The following TAFA1 variants were observed in gnomAD, a reference collection of about 807,000 sequenced individuals.
TAFA1 encodes chemokine-like protein TAFA-1.
In TAFA1, 4 loss-of-function variants were observed where a neutral mutation model predicts 18.5. The observed-to-expected ratio is 0.22, with a 90% CI of 0.11 to 0.49. The LOEUF is 0.49. TAFA1 is among the 20% of genes least tolerant of loss of function. The pLI is 0.98. For missense variants in TAFA1, 147 were observed against 169.0 expected (o/e 0.87, Z 0.72); for synonymous variants, 56 against 55.2 (o/e 1.01, Z -0.06).
intron 2 of TAFA1, among the ~76,000 whole-genome samples, chr3:68,165,341 C>T (rs768581844): frequency 2.6e-5 from 4 of 152,224 alleles, no homozygotes; most frequent in Non-Finnish European, 5.9e-5. Context: ...TGTCCCCTCC[C>T]AATTCTGTCT....
At chr3:68,131,712 C>T (rs572194012) in intron 2 of TAFA1, among the ~76,000 whole-genome samples, 1 of 152,210 alleles carries the variant, frequency 6.6e-6, no homozygotes, top group African/African-American at 2.4e-5. Flanking sequence ...TCATGCCTTA[C>T]AATCACTGTA....
intron 2 of TAFA1, among the ~76,000 whole-genome samples, chr3:68,097,081 C>T (rs2065095064): frequency 6.6e-6 from 1 of 152,034 alleles, no homozygotes; most frequent in Non-Finnish European, 1.5e-5. Flanking sequence ...GGGATGATTC[C>T]TAAGCAAAAG....
chr3:68,107,459 A>G (rs183427955), intron 2 of TAFA1, among the ~76,000 whole-genome samples: 31 of 152,284 alleles, frequency 2.0e-4, no homozygotes, highest in Admixed American at 1.6e-3. Context: ...GCAACAAAAC[A>G]TAATGAACTA....
intron 2 of TAFA1, among the ~76,000 whole-genome samples, chr3:68,202,517 C>T (rs1056262348): frequency 6.6e-6 from 1 of 151,648 alleles, no homozygotes; most frequent in African/African-American, 2.4e-5. Context: ...CTTTAGCACG[C>T]TATACTAAAG....
intron 3 of TAFA1, among the ~76,000 whole-genome samples, chr3:68,468,760 A>G (rs905355224): frequency 1.3e-5 from 2 of 152,128 alleles, no homozygotes; most frequent in African/African-American, 4.8e-5. Flanking sequence ...GATTTTTGAG[A>G]TTTATGGGAT....
At chr3:68,388,012 G>T (rs945770730) in intron 2 of TAFA1, among the ~76,000 whole-genome samples, 6 of 152,116 alleles carry the variant, frequency 3.9e-5, no homozygotes, top group African/African-American at 1.4e-4. Context: ...CTTCATGAAT[G>T]AATGTTAAGC....
At chr3:68,201,760 G>T (rs759571275) in intron 2 of TAFA1, among the ~76,000 whole-genome samples, 1 of 151,644 alleles carries the variant, frequency 6.6e-6, no homozygotes, top group East Asian at 2.0e-4. Flanking sequence ...AAGAAAACAG[G>T]TTTATTTAGC....
intron 2 of TAFA1, among the ~76,000 whole-genome samples, chr3:68,079,431 C>G (rs571380279): frequency 6.6e-5 from 10 of 152,202 alleles, no homozygotes; most frequent in African/African-American, 2.4e-4. Flanking sequence ...ATCTTTCCTG[C>G]TTTCTCTTAT....
chr3:68,113,418 G>T (rs1255609929), intron 2 of TAFA1, among the ~76,000 whole-genome samples: 1 of 152,096 alleles, frequency 6.6e-6, no homozygotes, highest in Non-Finnish European at 1.5e-5. Context: ...TCAAATCCAG[G>T]TGAATCAAAT....
At chr3:68,100,207 A>C (rs2065132524) in intron 2 of TAFA1, among the ~76,000 whole-genome samples, 1 of 152,144 alleles carries the variant, frequency 6.6e-6, no homozygotes, top group Non-Finnish European at 1.5e-5. Context: ...TAGAAAGGTC[A>C]GGCACAGTGG....
intron 3 of TAFA1, among the ~76,000 whole-genome samples, chr3:68,463,663 G>T (rs2071827326): frequency 6.6e-6 from 1 of 152,146 alleles, no homozygotes. Context: ...TAAATAGTGA[G>T]CATGTCCACA....
chr3:68,017,160 T>C (rs1166466124), intron 2 of TAFA1, among the ~76,000 whole-genome samples: 2 of 152,184 alleles, frequency 1.3e-5, no homozygotes. Flanking sequence ...ATATAAGACA[T>C]GAGTACATGT....
chr3:68,367,396 T>A (rs1352492389), intron 2 of TAFA1, among the ~76,000 whole-genome samples: 1 of 152,194 alleles, frequency 6.6e-6, no homozygotes, highest in Non-Finnish European at 1.5e-5. Flanking sequence ...TGAGATTTAA[T>A]GGGACAAAAG....
chr3:68,321,136 C>A (rs536983238), intron 2 of TAFA1, among the ~76,000 whole-genome samples: 1 of 152,188 alleles, frequency 6.6e-6, no homozygotes, highest in Non-Finnish European at 1.5e-5. Flanking sequence ...CTTTTTCTCT[C>A]GAATAGGGGA....
chr3:68,401,087 G>A (rs897724894), intron 2 of TAFA1, among the ~76,000 whole-genome samples: 3 of 152,182 alleles, frequency 2.0e-5, no homozygotes, highest in African/African-American at 7.2e-5. Flanking sequence ...AACTCGTGGA[G>A]TTTTCACTTC....
At chr3:68,472,629 T>C (rs373359831) in intron 3 of TAFA1, among the ~76,000 whole-genome samples, 5 of 152,150 alleles carry the variant, frequency 3.3e-5, no homozygotes, top group African/African-American at 1.2e-4. Context: ...GGTTGTGATA[T>C]TGTAGTTTAG....
At chr3:68,497,044 T>C (rs957714866) in intron 3 of TAFA1, among the ~76,000 whole-genome samples, 2 of 152,166 alleles carry the variant, frequency 1.3e-5, no homozygotes, top group African/African-American at 4.8e-5. Flanking sequence ...AATGGCCACT[T>C]GGTACAGTGC....
At chr3:68,205,982 C>G (rs1320773252) in intron 2 of TAFA1, among the ~76,000 whole-genome samples, 1 of 151,738 alleles carries the variant, frequency 6.6e-6, no homozygotes, top group Non-Finnish European at 1.5e-5. Context: ...ACATAGTCAC[C>G]CCCGATTAAA....
chr3:68,414,739 T>C (rs1408910079), intron 2 of TAFA1, among the ~76,000 whole-genome samples: 1 of 152,180 alleles, frequency 6.6e-6, no homozygotes, highest in African/African-American at 2.4e-5. Context: ...CCCACCTTGT[T>C]GTCAGTATTA....
Sources: gnomAD v4.1 joint callset for allele counts (sites outside exome capture counted in the v4.1 genomes callset) on GRCh38, gnomAD v4.1.1 for gene constraint, MANE v1.5 for transcripts, NCBI Gene and HGNC (gene_info 2026-07-23, HGNC 2026-07-21) for gene names.